NPY1R: variants seen among roughly 807,000 people sequenced by gnomAD.
The protein encoded by NPY1R is neuropeptide Y receptor Y1.
In NPY1R, 10 loss-of-function variants were observed where a neutral mutation model predicts 24.1. The ratio of observed to expected loss-of-function variants is 0.42; its 90% confidence interval spans 0.26 to 0.71. The LOEUF is 0.71. Ranked by LOEUF, NPY1R falls within the 30% of genes least tolerant of loss-of-function variation. The pLI is 0.28. For missense variants in NPY1R, 350 were observed against 458.0 expected (o/e 0.76, Z 2.15); for synonymous variants, 168 against 165.9 (o/e 1.01, Z -0.10).
chr4:163,342,249 C>A (rs535082469), intron 1 of NPY1R, among the ~76,000 whole-genome samples: 1 of 152,224 alleles, frequency 6.6e-6, no homozygotes, highest in South Asian at 2.1e-4. Context: ...TTTTAATATG[C>A]AAAAGCCTGT....
At chr4:163,340,546 A>T (rs2110818944) in intron 1 of NPY1R, among the ~76,000 whole-genome samples, 1 of 152,224 alleles carries the variant, frequency 6.6e-6, no homozygotes, top group South Asian at 2.1e-4. Flanking sequence ...AATTTTTCTG[A>T]AGATCTAAAA....
upstream of NPY1R, among the ~76,000 whole-genome samples, chr4:163,335,410 A>C (rs1230236331): frequency 6.6e-6 from 1 of 152,202 alleles, no homozygotes. Flanking sequence ...TCAGCCTTTA[A>C]ATTCCATGAT....
At position 163,343,175 on chromosome 4, in the gene NPY1R, C is replaced by CT. The variant is rs35412972; in HGVS notation, c.-152+1129dup. Among the ~76,000 whole-genome samples the CT allele has an allele frequency of 4.1e-3, 599 of 144,996 alleles. 1 individual carries two copies. The highest frequency in any genetic ancestry group is 4.8e-3 in the Non-Finnish European group (313 of 65,828). The stretch of plus-strand genomic sequence containing the variant: ...TCTTTTGTGTGGGCTTTTTTCCCGT[C>CT]TTTTTTTTTTTTTAACCTGTGACAA... On this transcript the variant is annotated intron_variant, in intron 1 of 1. Coordinates refer to the NPY1R transcript ENST00000511901.
chr4:163,342,978 A>T (rs4057789), intron 1 of NPY1R, among the ~76,000 whole-genome samples: 3,095 of 37,320 alleles, frequency 0.083, 118 homozygotes, highest in African/African-American at 0.22. Flanking sequence ...TCTCTCTCTC[A>T]CAGACACACA....
chr4:163,341,319 G>A (rs1398539345), intron 1 of NPY1R, among the ~76,000 whole-genome samples: 8 of 152,020 alleles, frequency 5.3e-5, no homozygotes, highest in Admixed American at 4.6e-4. Flanking sequence ...GGAATACAAC[G>A]AAATTCTCAG....
chr4:163,339,935 ATAAGAC>A (rs1300936899), intron 1 of NPY1R, among the ~76,000 whole-genome samples: 1 of 152,136 alleles, frequency 6.6e-6, no homozygotes, highest in African/African-American at 2.4e-5. Flanking sequence ...ACGTGTGAGA[ATAAGAC>A]TAAGAATGTG....
chr4:163,344,524 C>T (rs1240474553), exon 1 of NPY1R: 2 of 152,224 alleles, frequency 1.3e-5, no homozygotes, highest in African/African-American at 2.4e-5. Flanking sequence ...GGGCGCAGCC[C>T]GCGGGGCGCC....
intron 1 of NPY1R, among the ~76,000 whole-genome samples, chr4:163,328,132 TAAG>T (rs1019551045): frequency 2.0e-5 from 3 of 151,926 alleles, no homozygotes; most frequent in Non-Finnish European, 4.4e-5. Flanking sequence ...CTTAAAAACT[TAAG>T]AAGAATAAAG....
chr4:163,326,544 G>A lies in NPY1R; in HGVS notation c.11C>T (p.Thr4Ile). The A allele has an allele frequency of 6.3e-7, 1 of 1,591,062 alleles. No individual in the cohort carries two copies. Among genetic ancestry groups the A allele is most frequent in the Non-Finnish European group, 8.6e-7 (1 of 1,166,552 alleles). ...ATGATTTTCAACCTGGGAAAATAATGTTGAATTCATTTTGATTGGTTTGGT... is the reference window on the plus strand; with the variant it reads ...ATGATTTTCAACCTGGGAAAATAATATTGAATTCATTTTGATTGGTTTGGT... MNS[T>I]LFSQVENHSV... Residue 4 changes from threonine (T) to isoleucine (I), a missense_variant, in exon 2 of 3, where the codon ACA becomes ATA. Transcript: ENST00000296533.
chr4:163,342,747 C>T (rs1445747608), intron 1 of NPY1R, among the ~76,000 whole-genome samples: 2 of 152,096 alleles, frequency 1.3e-5, no homozygotes, highest in Non-Finnish European at 2.9e-5. Flanking sequence ...GTGATGTCTG[C>T]CCCAGATGTT....
chr4:163,342,987 C>T (rs550897538), intron 1 of NPY1R, among the ~76,000 whole-genome samples: 1 of 13,748 alleles, frequency 7.3e-5, no homozygotes, highest in Non-Finnish European at 4.2e-4. Context: ...CACAGACACA[C>T]ACACACACAC....
rs547680242 is a variant in NPY1R at position 163,325,211 on chromosome 4, C to T, written c.*92G>A. On this transcript the variant is annotated 3_prime_UTR_variant, in exon 3 of 3. Coordinates refer to ENST00000296533, the MANE Select transcript of NPY1R (RefSeq NM_000909.6). The stretch of plus-strand genomic sequence containing the variant: ...TAGTCATTTTCAAATGATTTCAACC[C>T]CATTCCTTGGGAGAACAGGTAATCA... The T allele has an allele frequency of 4.5e-6, 4 of 884,250 alleles. No individual in the cohort carries two copies. In the East Asian group the frequency reaches 9.8e-5, roughly 22 times the overall value. 54.8% of individuals were successfully genotyped at this position (884,250 alleles called of 1,614,324 possible).
chr4:163,327,516 T>G (rs893841785), intron 1 of NPY1R, among the ~76,000 whole-genome samples: 1 of 152,194 alleles, frequency 6.6e-6, no homozygotes, highest in Non-Finnish European at 1.5e-5. Context: ...AAGTGTTCCA[T>G]ATACAAATTT....
upstream of NPY1R, among the ~76,000 whole-genome samples, chr4:163,333,747 G>T (rs1734783789): frequency 6.6e-6 from 1 of 152,064 alleles, no homozygotes; most frequent in Non-Finnish European, 1.5e-5. Flanking sequence ...CATATTTAAG[G>T]TTCAGTATAA....
At chr4:163,328,851 C>A (rs1436178394) in intron 1 of NPY1R, among the ~76,000 whole-genome samples, 1 of 152,166 alleles carries the variant, frequency 6.6e-6, no homozygotes, top group African/African-American at 2.4e-5. Context: ...TTAGTTGGCT[C>A]CTCTCATTTT....
chr4:163,328,053 C>T (rs1031992918), intron 1 of NPY1R, among the ~76,000 whole-genome samples: 10 of 150,186 alleles, frequency 6.7e-5, no homozygotes, highest in Non-Finnish European at 1.0e-4. Flanking sequence ...TCTAATAAAC[C>T]TTTCCTTTAA....
At chr4:163,333,110 C>G (rs1166334814), upstream of NPY1R, 2 of 152,080 alleles carry the variant, frequency 1.3e-5, no homozygotes, top group East Asian at 3.8e-4. Flanking sequence ...TATAAGTGAA[C>G]AAAGAGAAGA....
In NPY1R at chr4:163,331,942, G is replaced by A. The variant is rs1409507786; in HGVS notation, c.-152+540C>T. Among the ~76,000 whole-genome samples the A allele has an allele frequency of 5.9e-5, 9 of 152,282 alleles. 1 individual carries two copies. Among genetic ancestry groups the A allele is most frequent in the Admixed American group, 6.5e-5 (1 of 15,306 alleles). ...GGGCTTGCGCGCTGGGGTCCGCGCC[G>A]AGGGCTACTCCCACCTCCGCCAGCT... On this transcript the variant is annotated intron_variant, in intron 1 of 2. Transcript: ENST00000296533.
At chr4:163,339,554 GA>G (rs1734927316) in intron 1 of NPY1R, among the ~76,000 whole-genome samples, 1 of 151,758 alleles carries the variant, frequency 6.6e-6, no homozygotes, top group Non-Finnish European at 1.5e-5. Flanking sequence ...CACATTATAA[GA>G]TACTGAAGAA....
Sources: gnomAD v4.1 joint callset for allele counts (sites outside exome capture counted in the v4.1 genomes callset) on GRCh38, gnomAD v4.1.1 for gene constraint, MANE v1.5 for transcripts, NCBI Gene and HGNC (gene_info 2026-07-23, HGNC 2026-07-21) for gene names.